The following SLC38A4 variants were observed in gnomAD, a reference collection of about 807,000 sequenced individuals.
The protein encoded by SLC38A4 is solute carrier family 38 member 4.
A neutral mutation model predicts 63.1 loss-of-function variants in SLC38A4; 20 were observed. That is an observed-to-expected ratio of 0.32 (90% confidence interval 0.22 to 0.46). The LOEUF (loss-of-function observed/expected upper bound fraction) is 0.46. SLC38A4 is among the 20% of genes least tolerant of loss of function. The pLI, the probability that SLC38A4 is intolerant of heterozygous loss-of-function variation, is 1.00. For missense variants in SLC38A4, 526 were observed against 663.6 expected (o/e 0.79, Z 2.28); for synonymous variants, 230 against 225.5 (o/e 1.02, Z -0.18).
At chr12:46,797,451 G>C (rs1939036662) in intron 2 of SLC38A4, among the ~76,000 whole-genome samples, 1 of 152,076 alleles carries the variant, frequency 6.6e-6, no homozygotes, top group East Asian at 1.9e-4. Flanking sequence ...TGGAGCTCCT[G>C]CTTCCCAGAC....
chr12:46,770,906 A>G (rs1938404237), intron 14 of SLC38A4, among the ~76,000 whole-genome samples: 1 of 152,134 alleles, frequency 6.6e-6, no homozygotes, highest in Non-Finnish European at 1.5e-5. Flanking sequence ...AATGTAAAAT[A>G]TATTTTGAAA....
intron 1 of SLC38A4, among the ~76,000 whole-genome samples, chr12:46,821,050 A>G (rs1939535901): frequency 6.6e-6 from 1 of 151,884 alleles, no homozygotes; most frequent in Admixed American, 6.6e-5. Flanking sequence ...TTCCTTATAT[A>G]TTTTGGATAT....
intron 13 of SLC38A4, among the ~76,000 whole-genome samples, chr12:46,776,662 GT>G (rs2120764007): frequency 6.6e-6 from 1 of 152,104 alleles, no homozygotes; most frequent in South Asian, 2.1e-4. Context: ...AAATAATTTT[GT>G]TTGAGGGATA....
intron 1 of SLC38A4, among the ~76,000 whole-genome samples, chr12:46,818,733 T>C (rs1205727357): frequency 2.6e-5 from 4 of 151,812 alleles, no homozygotes; most frequent in Non-Finnish European, 5.9e-5. Context: ...ATATCAGTAA[T>C]AGAAAAATAC....
chr12:46,790,705 G>C (rs1422557742), intron 3 of SLC38A4, among the ~76,000 whole-genome samples: 2 of 151,452 alleles, frequency 1.3e-5, no homozygotes, highest in African/African-American at 4.9e-5. Context: ...TCTTATTTTG[G>C]CATGAGATGA....
At chr12:46,815,192 C>T (rs991546801) in intron 1 of SLC38A4, among the ~76,000 whole-genome samples, 4 of 143,264 alleles carry the variant, frequency 2.8e-5, no homozygotes, top group Non-Finnish European at 6.0e-5. Flanking sequence ...ACTGTATTAA[C>T]TAGATTTTTG....
At chr12:46,811,991 A>G (rs1237481097) in intron 1 of SLC38A4, among the ~76,000 whole-genome samples, 1 of 152,100 alleles carries the variant, frequency 6.6e-6, no homozygotes, top group Admixed American at 6.6e-5. Context: ...GAATTTCAAC[A>G]TATTTCAACT....
intron 5 of SLC38A4, among the ~76,000 whole-genome samples, chr12:46,787,550 G>A (rs1176622156): frequency 6.6e-6 from 1 of 152,104 alleles, no homozygotes; most frequent in Non-Finnish European, 1.5e-5. Flanking sequence ...TCGCACAGGG[G>A]TACAGGGAAT....
chr12:46,769,732 G>A (rs1034063188), intron 14 of SLC38A4, among the ~76,000 whole-genome samples: 1 of 151,940 alleles, frequency 6.6e-6, no homozygotes, highest in Non-Finnish European at 1.5e-5. Flanking sequence ...GCTTTTCTAC[G>A]TTTGGAGACA....
intron 2 of SLC38A4, among the ~76,000 whole-genome samples, chr12:46,794,297 A>T (rs1489559572): frequency 6.6e-6 from 1 of 152,148 alleles, no homozygotes; most frequent in African/African-American, 2.4e-5. Flanking sequence ...AAATTACAAA[A>T]CATATAGAAC....
intron 1 of SLC38A4, among the ~76,000 whole-genome samples, chr12:46,816,489 A>G (rs1939444251): frequency 6.6e-6 from 1 of 151,996 alleles, no homozygotes; most frequent in African/African-American, 2.4e-5. Context: ...AAAAACAGAC[A>G]AAAAACATTC....
upstream of SLC38A4, among the ~76,000 whole-genome samples, chr12:46,827,766 T>C (rs1939679003): frequency 6.6e-6 from 1 of 151,998 alleles, no homozygotes; most frequent in Non-Finnish European, 1.5e-5. Flanking sequence ...ACCAGAAAAA[T>C]AATTTGGTTT....
At chr12:46,768,972 C>G (rs988574758) in intron 15 of SLC38A4, among the ~76,000 whole-genome samples, 1 of 152,082 alleles carries the variant, frequency 6.6e-6, no homozygotes. Context: ...TTCCTCTTTT[C>G]CTGATGGTGG....
chr12:46,825,211 A>G (rs1939623855), intron 1 of SLC38A4, among the ~76,000 whole-genome samples: 1 of 143,960 alleles, frequency 6.9e-6, no homozygotes, highest in African/African-American at 2.5e-5. Flanking sequence ...ATATTGTACT[A>G]AAGTGTGTCA....
At chr12:46,783,298 G>A (rs1209563946) in intron 7 of SLC38A4, among the ~76,000 whole-genome samples, 2 of 79,712 alleles carry the variant, frequency 2.5e-5, no homozygotes, top group East Asian at 5.4e-4. Context: ...TATGGGCATT[G>A]CTAGGAAAGG....
upstream of SLC38A4, among the ~76,000 whole-genome samples, chr12:46,830,298 T>TCACACACACACACACACA (rs10597523): frequency 6.7e-6 from 1 of 148,296 alleles, no homozygotes; most frequent in African/African-American, 2.5e-5. Flanking sequence ...TCTCTCTCTC[T>TCACACACACACACACACA]CACACACACA....
At chr12:46,831,173 C>T (rs1345485522) in intron 1 of SLC38A4, among the ~76,000 whole-genome samples, 3 of 152,192 alleles carry the variant, frequency 2.0e-5, no homozygotes, top group Admixed American at 2.0e-4. Context: ...GCCCAGAGCG[C>T]AGCGTCCACC....
At chr12:46,804,988 A>C (rs1939203075) in intron 1 of SLC38A4, among the ~76,000 whole-genome samples, 2 of 152,038 alleles carry the variant, frequency 1.3e-5, no homozygotes, top group African/African-American at 2.4e-5. Flanking sequence ...AACCATGCAA[A>C]AATTGCAATA....
intron 1 of SLC38A4, among the ~76,000 whole-genome samples, chr12:46,804,088 C>G (rs1939183501): frequency 6.6e-6 from 1 of 151,904 alleles, no homozygotes; most frequent in Non-Finnish European, 1.5e-5. Flanking sequence ...ATCGAAATCT[C>G]CAGAAAATAT....
Sources: gnomAD v4.1 joint callset for allele counts (sites outside exome capture counted in the v4.1 genomes callset) on GRCh38, gnomAD v4.1.1 for gene constraint, MANE v1.5 for transcripts, NCBI Gene and HGNC (gene_info 2026-07-23, HGNC 2026-07-21) for gene names.